The following GRTP1 variants were observed in gnomAD, a reference collection of about 807,000 sequenced individuals.
The protein encoded by GRTP1 is growth hormone regulated TBC protein 1, also known as growth hormone-regulated TBC protein 1.
Under a neutral mutation model 38.1 loss-of-function variants are expected in GRTP1, and 56 were observed. The observed-to-expected ratio is 1.47, with a 90% confidence interval of 1.19 to 1.84. GRTP1 has a LOEUF of 1.84. Among genes scored for constraint, GRTP1 ranks in the 40% most tolerant of loss-of-function variants. The pLI, the probability that GRTP1 is intolerant of heterozygous loss-of-function variation, is 0.00. For synonymous variants in GRTP1, 217 were observed against 189.5 expected (o/e 1.14, Z -1.19); for missense variants, 506 against 453.9 (o/e 1.11, Z -1.04).
At chr13:113,360,963 A>C (rs2043484439) in intron 2 of GRTP1, among the ~76,000 whole-genome samples, 1 of 152,178 alleles carries the variant, frequency 6.6e-6, no homozygotes, top group East Asian at 1.9e-4. Flanking sequence ...CACAAAAATT[A>C]GCCGGGCATG....
chr13:113,346,242 A>AT (rs2043126090), intron 4 of GRTP1, among the ~76,000 whole-genome samples: 1 of 133,072 alleles, frequency 7.5e-6, no homozygotes. Flanking sequence ...ACCCGGGAGG[A>AT]CCTCTGTGGC....
At chr13:113,325,333 C>T (rs1014909482) in intron 7 of GRTP1, 56 of 1,401,622 alleles carry the variant, frequency 4.0e-5, no homozygotes, top group South Asian at 5.1e-5. Context: ...TGAGTCTATA[C>T]GGCCTGCGCC....
In GRTP1 at chr13:113,343,052, T is replaced by G. The variant is rs1160569373; in HGVS notation, c.562+1811A>C. Among the ~76,000 whole-genome samples the G allele has an allele frequency of 6.6e-6, 1 of 151,964 alleles. No individual in the cohort carries two copies. The highest frequency in any genetic ancestry group is 1.5e-5 in the Non-Finnish European group (1 of 67,994). On this transcript the variant is annotated intron_variant, in intron 5 of 7. Transcript: ENST00000375431. This position sits in a 1 kb window ranked among gnomAD's most constrained non-coding sequence, Gnocchi z 4.8. ...GAACTCGTGTGTGCTCACCGATGTTTCCCACACCCCTGAACGGCGCCCAGA... is the reference window on the plus strand; with the variant it reads ...GAACTCGTGTGTGCTCACCGATGTTGCCCACACCCCTGAACGGCGCCCAGA...
chr13:113,356,850 C>A (rs750571013), intron 2 of GRTP1, among the ~76,000 whole-genome samples: 3 of 152,164 alleles, frequency 2.0e-5, no homozygotes, highest in Non-Finnish European at 4.4e-5. Flanking sequence ...GAAAATCAGG[C>A]TCTGGAAGGA....
chr13:113,345,609 A>G (rs1306023422), intron 4 of GRTP1, among the ~76,000 whole-genome samples: 2 of 152,226 alleles, frequency 1.3e-5, no homozygotes, highest in African/African-American at 2.4e-5. Flanking sequence ...GTATTTCTCT[A>G]GTAATAAGGG....
chr13:113,327,635 A>G (rs1189675915), intron 5 of GRTP1, among the ~76,000 whole-genome samples: 1 of 152,244 alleles, frequency 6.6e-6, no homozygotes, highest in Non-Finnish European at 1.5e-5. Context: ...GAGCCAATTC[A>G]GTGAGCAAGC....
At chr13:113,347,491 CCTCTGTGGCCGAG>C (rs2043174761) in intron 4 of GRTP1, among the ~76,000 whole-genome samples, 5 of 44,534 alleles carry the variant, frequency 1.1e-4, no homozygotes, top group Admixed American at 1.8e-4. Context: ...CCTGGGAGGA[CCTCTGTGGCCGAG>C]AGCGGACCCA....
rs201609856 is a variant in GRTP1 at position 113,350,825 on chromosome 13, G to T, written c.465+24C>A. On this transcript the variant is annotated intron_variant, in intron 4 of 7. Transcript: ENST00000375431. ...GACCTGTCCTCACAGCCACCTCATG[G>T]CGTCAGAGGGTCCCGAGGCTCACCT... 7.1e-6 allele frequency: 11 copies of T among 1,542,928 alleles called. No homozygotes were observed. In the East Asian group the frequency reaches 1.8e-4, roughly 26 times the overall value.
chr13:113,347,503 A>T (rs1364474835), intron 4 of GRTP1, among the ~76,000 whole-genome samples: 24 of 55,766 alleles, frequency 4.3e-4, no homozygotes, highest in South Asian at 1.3e-3. Context: ...TCTGTGGCCG[A>T]GAGCGGACCC....
chr13:113,355,567 C>A, intron 2 of GRTP1, 86 bp from the exon 3 acceptor site: 1 of 1,397,924 alleles, frequency 7.2e-7, no homozygotes, highest in Non-Finnish European at 9.5e-7. Flanking sequence ...CCACTCTCAC[C>A]AGTTCTCTTC....
chr13:113,350,811 A>G, intron 4 of GRTP1, 38 bp downstream of exon 4: 2 of 1,529,346 alleles, frequency 1.3e-6, no homozygotes, highest in Non-Finnish European at 1.8e-6. Flanking sequence ...ACCTGTCCTC[A>G]CAGCCACCTC....
Position 113,325,977 on chromosome 13 carries a change from C to G in GRTP1, c.677G>C (p.Trp226Ser), listed in dbSNP as rs2042760342. The G allele has an allele frequency of 6.2e-7, 1 of 1,613,806 alleles. No individual in the cohort carries two copies. Among genetic ancestry groups the G allele is most frequent in the African/African-American group, 1.3e-5 (1 of 74,884 alleles). Residue 226 changes from tryptophan (W) to serine (S), a missense_variant, in exon 6 of 8, where the codon TGG (tryptophan) becomes TCG (serine). Trp to Ser is a radical substitution (Grantham distance 177, BLOSUM62 -3). Transcript: ENST00000375431. ...GALMERLGVL[W>S]TLLVSRWFIC... ...GAACCAGCGGGACACCAGCAGCGTC[C>G]ACAGCACACCGAGACGCTCCATCAG...
At chr13:113,328,031 T>C (rs1051906043) in intron 5 of GRTP1, among the ~76,000 whole-genome samples, 1 of 152,226 alleles carries the variant, frequency 6.6e-6, no homozygotes, top group African/African-American at 2.4e-5. Flanking sequence ...TCCTTGAACA[T>C]CGAGGGCAAG....
At chr13:113,361,197 T>C (rs1440104963) in intron 2 of GRTP1, among the ~76,000 whole-genome samples, 1 of 113,464 alleles carries the variant, frequency 8.8e-6, no homozygotes, top group East Asian at 2.5e-4. Context: ...AAAGAGTTGA[T>C]AGAGACCAAT....
chr13:113,362,381 G>A (rs1014086089), intron 2 of GRTP1, among the ~76,000 whole-genome samples: 2 of 152,098 alleles, frequency 1.3e-5, no homozygotes, highest in African/African-American at 4.8e-5. Context: ...AAAGACACAC[G>A]TTCCACTGGA....
At chr13:113,340,422 T>C (rs1489558276) in intron 5 of GRTP1, among the ~76,000 whole-genome samples, 1 of 151,842 alleles carries the variant, frequency 6.6e-6, no homozygotes, top group Non-Finnish European at 1.5e-5. Context: ...GAGGCTGCAG[T>C]GAGCCATGAT....
Position 113,364,039 on chromosome 13 carries a change from C to T in GRTP1, c.13G>A (p.Glu5Lys). ...ACACACCTGGGGACCCGCGAGCGCTCGGCGGGCTGCATGCGGGGAGGGAGG... is the reference window on the plus strand; with the variant it reads ...ACACACCTGGGGACCCGCGAGCGCTTGGCGGGCTGCATGCGGGGAGGGAGG... MQPA[E>K]RSRVPRIDPY... Residue 5 changes from glutamate to lysine, a missense_variant, in exon 1 of 8, where the codon GAG (glutamate) becomes AAG (lysine). Coordinates refer to ENST00000375431, the MANE Select transcript of GRTP1 (RefSeq NM_024719.4). 2.3e-6 allele frequency: 3 copies of T among 1,289,580 alleles called. No individual in the cohort carries two copies. The highest frequency in any genetic ancestry group is 2.0e-6 in the Non-Finnish European group (2 of 1,023,190). The allele number at this position is 1,289,580 out of a possible 1,614,324, so 79.9% of individuals were successfully genotyped here. A position where few individuals can be genotyped will look rare whatever the true frequency, so the allele number is the denominator to read the frequency against.
At position 113,324,266 on chromosome 13, in the gene GRTP1, T is replaced by TAAAA; in HGVS notation, c.*218_*221dup. The stretch of plus-strand genomic sequence containing the variant: ...TTTTATATATTATTGATCTCTCAGG[T>TAAAA]AAAAATAAGTTTTCTTTAAAAAGTA... On this transcript the variant is annotated 3_prime_UTR_variant, in exon 8 of 8. Coordinates refer to ENST00000375431, the MANE Select transcript of GRTP1 (RefSeq NM_024719.4). The TAAAA allele has an allele frequency of 1.9e-6, 1 of 540,484 alleles. No individual in the cohort carries two copies. Among genetic ancestry groups the TAAAA allele is most frequent in the East Asian group, 3.4e-5 (1 of 29,160 alleles). 33.5% of individuals were successfully genotyped at this position (540,484 alleles called of 1,614,324 possible). A position where few individuals can be genotyped will look rare whatever the true frequency, so the allele number is the denominator to read the frequency against.
intron 4 of GRTP1, among the ~76,000 whole-genome samples, chr13:113,346,044 CCG>C (rs1219578188): frequency 3.7e-5 from 3 of 80,650 alleles, no homozygotes; most frequent in South Asian, 4.8e-4. Flanking sequence ...ACATCTGTGG[CCG>C]AGAGCAGACC....
Sources: gnomAD v4.1 joint callset for allele counts (sites outside exome capture counted in the v4.1 genomes callset) on GRCh38, gnomAD v4.1.1 for gene constraint, Gnocchi (gnomAD v3.1) non-coding constraint, MANE v1.5 for transcripts, NCBI Gene and HGNC (gene_info 2026-07-23, HGNC 2026-07-21) for gene names.